RRM2B: variants seen among roughly 807,000 people sequenced by gnomAD.
The protein encoded by RRM2B is ribonucleoside-diphosphate reductase subunit M2 B.
A neutral mutation model predicts 45.9 loss-of-function variants in RRM2B; 20 were observed. The ratio of observed to expected loss-of-function variants is 0.44; its 90% CI spans 0.31 to 0.63. RRM2B has a LOEUF of 0.63. Ranked by LOEUF, RRM2B falls within the 30% of genes least tolerant of loss-of-function variation. RRM2B has a pLI of 0.09. For synonymous variants in RRM2B, 124 were observed against 132.3 expected, an observed-to-expected ratio of 0.94 and a Z score of 0.43; for missense variants, 320 against 414.7, an observed-to-expected ratio of 0.77 and a Z score of 1.98.
At chr8:102,222,219 G>A in intron 5 of RRM2B, among the ~76,000 whole-genome samples, 1 of 152,058 alleles carries the variant, frequency 6.6e-6, no homozygotes, top group East Asian at 1.9e-4. Context: ...GGGTATACAG[G>A]TGCATGCCAC....
Position 102,225,848 on chromosome 8 carries a change from T to C in RRM2B, c.321+70A>G, listed in dbSNP as rs72554096. 692 of 868,564 alleles carry C rather than the reference T, an allele frequency of 8.0e-4. 8 individuals are homozygous for C. The East Asian group carries it at 0.014, about 17-fold the overall frequency. The allele number at this position is 868,564 out of a possible 1,614,324, so 53.8% of individuals were successfully genotyped here. A position where few individuals can be genotyped will look rare whatever the true frequency, so the allele number is the denominator to read the frequency against. ...ACATCTTGTCTTTGGCTGAATTTAA[T>C]AATCTTACTGACATTATCATCATTT... On this transcript the variant is annotated intron_variant, in intron 3 of 8. Transcript: ENST00000251810.
rs570137520 is a variant in RRM2B, at chr8:102,225,025, A to G, written c.322-7T>C. The G allele has an allele frequency of 4.3e-6, 7 of 1,614,004 alleles. No homozygotes were observed. In the African/African-American group the frequency reaches 5.3e-5, roughly 12 times the overall value. On this transcript the variant is annotated splice_region_variant and splice_polypyrimidine_tract_variant and intron_variant, in intron 3 of 8. Transcript: ENST00000251810. ...CCTGACTAAAGCGCTCCACCTAAGA[A>G]GATAAGGAAAATAGATATATCCAGT...
intron 5 of RRM2B, among the ~76,000 whole-genome samples, chr8:102,220,641 T>TG: frequency 6.6e-6 from 1 of 152,316 alleles, no homozygotes; most frequent in South Asian, 2.1e-4. Flanking sequence ...TCTCTCTACG[T>TG]TGCCCTGGCT....
intron 6 of RRM2B, among the ~76,000 whole-genome samples, chr8:102,216,522 G>A (rs991574804): frequency 1.3e-5 from 2 of 152,008 alleles, no homozygotes; most frequent in African/African-American, 4.8e-5. Context: ...TGCTATAAAG[G>A]TGTACTTGTT....
intron 5 of RRM2B, 51 bp from the exon 6 acceptor site, chr8:102,218,998 C>CATAT: frequency 2.0e-6 from 3 of 1,509,882 alleles, no homozygotes; most frequent in Non-Finnish European, 2.8e-6. Context: ...CAAACATTTG[C>CATAT]ATATATATAT....
At chr8:102,223,431 G>C (rs1563664208) in intron 5 of RRM2B, among the ~76,000 whole-genome samples, 1 of 152,098 alleles carries the variant, frequency 6.6e-6, no homozygotes, top group African/African-American at 2.4e-5. Context: ...AGTGGCTCAT[G>C]CCTGCAGTCC....
intron 1 of RRM2B, among the ~76,000 whole-genome samples, chr8:102,238,075 C>G (rs1165980232): frequency 6.6e-6 from 1 of 152,220 alleles, no homozygotes; most frequent in East Asian, 1.9e-4. Context: ...AACTACCATA[C>G]AATCCTACAG....
chr8:102,223,322 T>C (rs1810866760), intron 5 of RRM2B, among the ~76,000 whole-genome samples: 2 of 152,214 alleles, frequency 1.3e-5, no homozygotes, highest in African/African-American at 4.8e-5. Context: ...TTTGTCCTAG[T>C]TGATTACACT....
chr8:102,220,630 G>A (rs1271946431), intron 5 of RRM2B, among the ~76,000 whole-genome samples: 1 of 152,106 alleles, frequency 6.6e-6, no homozygotes, highest in Non-Finnish European at 1.5e-5. Flanking sequence ...TAGAGCTAAG[G>A]TCTCTCTACG....
At chr8:102,210,887 C>T (rs1160792261) in intron 8 of RRM2B, among the ~76,000 whole-genome samples, 2 of 152,212 alleles carry the variant, frequency 1.3e-5, no homozygotes, top group Non-Finnish European at 2.9e-5. Context: ...GAGTCAGCCA[C>T]AAGGCCCAGC....
intron 1 of RRM2B, 71 bp downstream of exon 1, chr8:102,238,756 G>A (rs753716056): frequency 6.2e-7 from 1 of 1,611,826 alleles, no homozygotes; most frequent in Non-Finnish European, 8.5e-7. Context: ...TTCCTACAGC[G>A]GTCCTGCAAC....
At chr8:102,225,052 C>T in intron 3 of RRM2B, 34 bp from the exon 4 acceptor site, 1 of 1,611,164 alleles carries the variant, frequency 6.2e-7, no homozygotes. Context: ...ATATCCAGTT[C>T]TATAGGCTCT....
Position 102,238,842 on chromosome 8 carries a change from C to G in RRM2B, c.33G>C (p.Gly11=). The change falls in exon 1 of 9, where the codon GGG becomes GGC. Residue 11 remains glycine, a synonymous_variant. Transcript: ENST00000251810. ...CAACATTTACCTCATCCTGATCCAGCCCGGCCGCTTCCGGCCTTTCCGGGT... is the reference window on the plus strand; with the variant it reads ...CAACATTTACCTCATCCTGATCCAGGCCGGCCGCTTCCGGCCTTTCCGGGT... The part of the protein sequence containing the change: MGDPERPEAA[G]LDQDERSSSD... 6.2e-7 allele frequency: 1 copy of G among 1,613,482 alleles called. No individual in the cohort carries two copies. The highest frequency in any genetic ancestry group is 8.5e-7 in the Non-Finnish European group (1 of 1,179,922).
At chr8:102,235,153 TAGAAG>T (rs1170677579) in intron 1 of RRM2B, among the ~76,000 whole-genome samples, 2 of 152,226 alleles carry the variant, frequency 1.3e-5, no homozygotes, top group Admixed American at 1.3e-4. Context: ...ATTGCTAGAT[TAGAAG>T]AGAAATTAGA....
At chr8:102,234,378 T>C (rs957585663) in intron 1 of RRM2B, among the ~76,000 whole-genome samples, 1 of 152,154 alleles carries the variant, frequency 6.6e-6, no homozygotes, top group Non-Finnish European at 1.5e-5. Flanking sequence ...TTAACCAACA[T>C]CAACCTTTGA....
At chr8:102,208,425 C>T in intron 8 of RRM2B, 140 bp from the exon 9 acceptor site, 1 of 684,112 alleles carries the variant, frequency 1.5e-6, no homozygotes, top group Non-Finnish European at 2.5e-6. Context: ...CCCCTAAGAC[C>T]CTGGAGGTAC....
At chr8:102,210,522 G>T (rs761253603) in intron 8 of RRM2B, among the ~76,000 whole-genome samples, 1 of 152,100 alleles carries the variant, frequency 6.6e-6, no homozygotes, top group Non-Finnish European at 1.5e-5. Flanking sequence ...GAGTGCAATG[G>T]CACAATCTCG....
At chr8:102,232,978 A>G (rs1455267613) in intron 1 of RRM2B, among the ~76,000 whole-genome samples, 1 of 152,240 alleles carries the variant, frequency 6.6e-6, no homozygotes, top group East Asian at 1.9e-4. Context: ...CACTGCTTCA[A>G]AACACGATGG....
At chr8:102,213,909 T>A in intron 7 of RRM2B, 145 bp downstream of exon 7, 3 of 659,042 alleles carry the variant, frequency 4.6e-6, no homozygotes, top group Non-Finnish European at 8.3e-6. Context: ...AATTGTAATA[T>A]ATCATGTATT....
Sources: gnomAD v4.1 joint callset for allele counts (sites outside exome capture counted in the v4.1 genomes callset) on GRCh38, gnomAD v4.1.1 for gene constraint, MANE v1.5 for transcripts, NCBI Gene and HGNC (gene_info 2026-07-23, HGNC 2026-07-21) for gene names.